PPP2R3A: variants seen among roughly 807,000 people sequenced by gnomAD.
The protein encoded by PPP2R3A is protein phosphatase 2 regulatory subunit B''alpha, also known as serine/threonine-protein phosphatase 2A regulatory subunit B'' subunit alpha.
Under a neutral mutation model 106.9 loss-of-function variants are expected in PPP2R3A, and 80 were observed. The ratio of observed to expected loss-of-function variants is 0.75; its 90% CI spans 0.62 to 0.90. The LOEUF is 0.90. Among genes scored for constraint, PPP2R3A ranks in the 40% least tolerant of loss-of-function variants. The pLI is 0.00. For synonymous variants in PPP2R3A, 483 were observed against 468.3 expected (o/e 1.03, Z -0.41); for missense variants, 1,386 against 1,350.4 (o/e 1.03, Z -0.41).
intron 13 of PPP2R3A, among the ~76,000 whole-genome samples, chr3:136,139,800 T>C (rs1038920754): frequency 6.6e-6 from 1 of 151,670 alleles, no homozygotes; most frequent in Non-Finnish European, 1.5e-5. Context: ...GGTTGGGAGT[T>C]CAAGACTAGC....
intron 13 of PPP2R3A, 39 bp from the exon 14 acceptor site, chr3:136,145,000 TAATC>T (rs564216540): frequency 1.3e-4 from 204 of 1,589,768 alleles, no homozygotes; most frequent in African/African-American, 8.9e-4. Flanking sequence ...ACCCAAACTT[TAATC>T]AATCAATCAG....
At chr3:136,109,414 A>T (rs953898898) in intron 13 of PPP2R3A, among the ~76,000 whole-genome samples, 1 of 152,184 alleles carries the variant, frequency 6.6e-6, no homozygotes, top group Non-Finnish European at 1.5e-5. Context: ...AAAAAGATTC[A>T]ATTATTGAAT....
Position 136,038,468 on chromosome 3 carries a change from G to A in PPP2R3A, c.2263-2391G>A, listed in dbSNP as rs374548429. The stretch of plus-strand genomic sequence containing the variant: ...GAGAATGAAATTTGCTTAGTTAGTG[G>A]AAGTTACCCCACAGAAGGTGGTAAG... On this transcript the variant is annotated intron_variant, in intron 3 of 13. Transcript: ENST00000264977. 1.5e-4 allele frequency among the ~76,000 whole-genome samples: 23 copies of A among 152,172 alleles called. No individual in the cohort carries two copies. The East Asian group carries it at 1.5e-3, about 10-fold the overall frequency.
chr3:135,997,459 A>G (rs1310069142), intron 1 of PPP2R3A, among the ~76,000 whole-genome samples: 1 of 152,002 alleles, frequency 6.6e-6, no homozygotes, highest in African/African-American at 2.4e-5. Context: ...TTGATCCTCA[A>G]CTTTTCCTCA....
At chr3:136,103,198 T>G (rs1412022005) in intron 11 of PPP2R3A, 60 bp from the exon 12 acceptor site, 4 of 1,155,574 alleles carry the variant, frequency 3.5e-6, no homozygotes, top group East Asian at 4.9e-5. Context: ...AGGGAAAGTT[T>G]TTTCCTCTTG....
At chr3:136,048,349 T>G (rs917351145) in intron 4 of PPP2R3A, among the ~76,000 whole-genome samples, 2 of 152,088 alleles carry the variant, frequency 1.3e-5, no homozygotes, top group Admixed American at 1.3e-4. Context: ...AGGATCAGAT[T>G]CTGGAGGCCC....
chr3:135,986,825 ATTTCTTC>A (rs1932942803), intron 1 of PPP2R3A, among the ~76,000 whole-genome samples: 1 of 151,974 alleles, frequency 6.6e-6, no homozygotes, highest in Non-Finnish European at 1.5e-5. Flanking sequence ...ATATGCTTTT[ATTTCTTC>A]CATGTTAAAA....
At chr3:135,996,318 G>A (rs1002520856) in intron 1 of PPP2R3A, among the ~76,000 whole-genome samples, 3 of 152,020 alleles carry the variant, frequency 2.0e-5, no homozygotes, top group Admixed American at 6.6e-5. Flanking sequence ...TGTCATTTTT[G>A]TGAAAATTTT....
chr3:136,145,421 A>G lies in PPP2R3A; in HGVS notation c.*255A>G, dbSNP rs1939079005. 2 of 280,276 alleles carry G rather than the reference A, an allele frequency of 7.1e-6. No individual in the cohort carries two copies. Among genetic ancestry groups the G allele is most frequent in the African/African-American group, 2.3e-5 (1 of 44,020 alleles). The allele number at this position is 280,276 out of a possible 1,614,324, so 17.4% of individuals were successfully genotyped here. A position where few individuals can be genotyped will look rare whatever the true frequency, so the allele number is the denominator to read the frequency against. ...TCGCCTTCCAAAGTCAGCACTCTAC[A>G]CTCTTGAATGTACCAAGGATCTCTT... On this transcript the variant is annotated 3_prime_UTR_variant, in exon 14 of 14. Transcript: ENST00000264977.
chr3:135,975,247 T>G (rs908380714), intron 1 of PPP2R3A, among the ~76,000 whole-genome samples: 2 of 152,144 alleles, frequency 1.3e-5, no homozygotes, highest in Non-Finnish European at 2.9e-5. Context: ...GTGTGTTGAT[T>G]CTACTGAGAA....
intron 2 of PPP2R3A, among the ~76,000 whole-genome samples, chr3:136,012,740 G>T (rs1469477189): frequency 5.9e-5 from 9 of 151,924 alleles, no homozygotes; most frequent in Admixed American, 2.0e-4. Context: ...CTATTTACAG[G>T]GATATTTTAA....
At chr3:136,089,652 A>G (rs1426721360) in intron 9 of PPP2R3A, among the ~76,000 whole-genome samples, 1 of 149,484 alleles carries the variant, frequency 6.7e-6, no homozygotes, top group Non-Finnish European at 1.5e-5. Flanking sequence ...AAACGACATT[A>G]GTTTAATAAG....
chr3:136,100,127 A>G (rs1937321704), intron 10 of PPP2R3A, among the ~76,000 whole-genome samples: 1 of 152,148 alleles, frequency 6.6e-6, no homozygotes, highest in Non-Finnish European at 1.5e-5. Context: ...GCAAAAAACA[A>G]AATGGGTTAC....
Position 136,088,074 on chromosome 3 carries a change from A to G in PPP2R3A, c.2837+143A>G, listed in dbSNP as rs540600042. The G allele has an allele frequency of 1.2e-3, 772 of 625,996 alleles. 2 individuals are homozygous for G. The highest frequency in any genetic ancestry group is 2.6e-3 in the Middle Eastern group (9 of 3,450). 38.8% of individuals were successfully genotyped at this position (625,996 alleles called of 1,614,324 possible). A position where few individuals can be genotyped will look rare whatever the true frequency, so the allele number is the denominator to read the frequency against. Reference sequence around the variant, plus strand: ...TAAAACATAGTTATGGCTTAATACAAGACAGTAATTCTTTTTTAAAAAAAT... The same window carrying G: ...TAAAACATAGTTATGGCTTAATACAGGACAGTAATTCTTTTTTAAAAAAAT... On this transcript the variant is annotated intron_variant, in intron 9 of 13. Transcript: ENST00000264977.
At chr3:136,009,209 C>T (rs970502234) in intron 2 of PPP2R3A, among the ~76,000 whole-genome samples, 5 of 152,150 alleles carry the variant, frequency 3.3e-5, no homozygotes, top group African/African-American at 4.8e-5. Flanking sequence ...TATTCTTTCT[C>T]ATTCCCACCC....
intron 13 of PPP2R3A, among the ~76,000 whole-genome samples, chr3:136,134,733 T>G (rs1046685185): frequency 6.6e-6 from 1 of 151,556 alleles, no homozygotes; most frequent in Non-Finnish European, 1.5e-5. Context: ...CTGTATTACT[T>G]TAACAAATGG....
At chr3:136,075,255 T>C (rs1356005078) in intron 6 of PPP2R3A, among the ~76,000 whole-genome samples, 2 of 152,234 alleles carry the variant, frequency 1.3e-5, no homozygotes, top group Non-Finnish European at 2.9e-5. Flanking sequence ...AGATTTCATT[T>C]ATTTCACTAG....
In PPP2R3A at chr3:136,102,136, T is replaced by A. The variant is rs891569582; in HGVS notation, c.3057T>A (p.His1019Gln). Residue 1019 changes from histidine (H) to glutamine (Q), a missense_variant, in exon 11 of 14, where the codon CAT (histidine) becomes CAA (glutamine). Transcript: ENST00000264977. ...TGGGAATTGAGCCCTTGCCATTCCA[T>A]GATTTACTGTGCCAGATGCTTGACC... The part of the protein sequence containing the change: ...EAMGIEPLPF[H>Q]DLLCQMLDLV... 20 of 1,613,660 alleles carry A rather than the reference T, an allele frequency of 1.2e-5. No homozygotes were observed. The highest frequency in any genetic ancestry group is 1.6e-5 in the Non-Finnish European group (19 of 1,180,008).
At chr3:136,098,311 A>G (rs1345358662) in intron 10 of PPP2R3A, among the ~76,000 whole-genome samples, 10 of 152,224 alleles carry the variant, frequency 6.6e-5, no homozygotes, top group African/African-American at 2.4e-4. Flanking sequence ...ATGAGAGCCT[A>G]TCTCAAAAAC....
Sources: gnomAD v4.1 joint callset for allele counts (sites outside exome capture counted in the v4.1 genomes callset) on GRCh38, gnomAD v4.1.1 for gene constraint, MANE v1.5 for transcripts, NCBI Gene and HGNC (gene_info 2026-07-23, HGNC 2026-07-21) for gene names.